ATXN1: variants seen among roughly 807,000 people sequenced by gnomAD.
ATXN1 encodes ataxin-1.
A neutral mutation model predicts 56.4 loss-of-function variants in ATXN1; 8 were observed. That is an observed-to-expected ratio of 0.14 (90% CI 0.08 to 0.26). The LOEUF (loss-of-function observed/expected upper bound fraction) is 0.26, where lower values mean the gene tolerates loss of function less well. ATXN1 is among the 10% of genes least tolerant of loss of function. The pLI is 1.00. For synonymous variants in ATXN1, 514 were observed against 494.6 expected (o/e 1.04, Z -0.52); for missense variants, 987 against 1,106.5 (o/e 0.89, Z 1.53).
At chr6:16,718,573 C>T (rs921180055) in intron 2 of ATXN1, among the ~76,000 whole-genome samples, 4 of 152,224 alleles carry the variant, frequency 2.6e-5, no homozygotes, top group Admixed American at 6.5e-5. Flanking sequence ...CAAAGCGTTT[C>T]GCTGGAAATG....
intron 2 of ATXN1, among the ~76,000 whole-genome samples, chr6:16,664,680 G>T (rs1758390088): frequency 6.6e-6 from 1 of 152,048 alleles, no homozygotes; most frequent in African/African-American, 2.4e-5. Flanking sequence ...ACAGGGTGTA[G>T]ACACTGACCA....
intron 2 of ATXN1, among the ~76,000 whole-genome samples, chr6:16,674,442 T>C (rs9396703): frequency 0.014 from 2,110 of 145,834 alleles, 21 homozygotes; most frequent in East Asian, 0.026. Flanking sequence ...CTCCGCCTCA[T>C]GGGTTCAAGC....
chr6:16,324,352 G>T (rs754593275), intron 7 of ATXN1, among the ~76,000 whole-genome samples: 1 of 152,022 alleles, frequency 6.6e-6, no homozygotes, highest in Admixed American at 6.6e-5. Context: ...TAGGGAGGTT[G>T]GGGTGGGAGG....
intron 4 of ATXN1, among the ~76,000 whole-genome samples, chr6:16,582,169 G>A (rs1762542010): frequency 6.6e-6 from 1 of 152,098 alleles, no homozygotes; most frequent in African/African-American, 2.4e-5. Context: ...CAGATCAACA[G>A]GTCTGTCTCC....
Position 16,724,524 on chromosome 6 carries a change from G to A in ATXN1, c.-615+28709C>T, listed in dbSNP as rs142876092. On this transcript the variant is annotated intron_variant, in intron 2 of 7. Transcript: ENST00000436367. ...TATACAACCAGGGCAAGCAACCCAT[G>A]AACAGGGTGAAAAACAGCCACTGGA... Among the ~76,000 whole-genome samples, 1,326 of 152,236 alleles carry A rather than the reference G, an allele frequency of 8.7e-3. 11 individuals carry two copies. Among genetic ancestry groups the A allele is most frequent in the Non-Finnish European group, 0.013 (896 of 68,016 alleles).
At chr6:16,743,808 G>A (rs1365278489) in intron 2 of ATXN1, among the ~76,000 whole-genome samples, 1 of 152,306 alleles carries the variant, frequency 6.6e-6, no homozygotes, top group African/African-American at 2.4e-5. Flanking sequence ...AGAACAACAT[G>A]TCTAAAGGCT....
At chr6:16,591,034 G>A (rs1386453716) in intron 3 of ATXN1, among the ~76,000 whole-genome samples, 1 of 152,084 alleles carries the variant, frequency 6.6e-6, no homozygotes, top group Non-Finnish European at 1.5e-5. Flanking sequence ...TAGAGATGGG[G>A]TTTCTCCATG....
intron 6 of ATXN1, among the ~76,000 whole-genome samples, chr6:16,406,192 A>T (rs432986): frequency 0.37 from 56,965 of 152,014 alleles, 10,827 homozygotes; most frequent in East Asian, 0.59. Flanking sequence ...AAAATGAGAG[A>T]CTAAAAAAGT....
At chr6:16,339,271 G>A (rs1214529689) in intron 6 of ATXN1, among the ~76,000 whole-genome samples, 2 of 152,188 alleles carry the variant, frequency 1.3e-5, no homozygotes, top group African/African-American at 2.4e-5. Context: ...GTCTACAACA[G>A]AGAACATAAA....
At chr6:16,637,262 C>A (rs1241837994) in intron 3 of ATXN1, among the ~76,000 whole-genome samples, 1 of 150,604 alleles carries the variant, frequency 6.6e-6, no homozygotes, top group East Asian at 2.0e-4. Flanking sequence ...AACCAAACAC[C>A]GCATGTTCTC....
chr6:16,486,777 A>C (rs2113656887), intron 5 of ATXN1, among the ~76,000 whole-genome samples: 1 of 152,148 alleles, frequency 6.6e-6, no homozygotes, highest in East Asian at 1.9e-4. Context: ...GGGCACATGC[A>C]GGAGCGTGGT....
intron 7 of ATXN1, among the ~76,000 whole-genome samples, chr6:16,313,895 G>T (rs1187905128): frequency 2.0e-5 from 3 of 152,136 alleles, no homozygotes; most frequent in Non-Finnish European, 4.4e-5. Flanking sequence ...AACCTAGATA[G>T]GCTTGGGAGA....
chr6:16,677,160 C>A (rs1167525223), intron 2 of ATXN1, among the ~76,000 whole-genome samples: 1 of 152,092 alleles, frequency 6.6e-6, no homozygotes, highest in Non-Finnish European at 1.5e-5. Flanking sequence ...AACATGTAAA[C>A]AAACAATACG....
At chr6:16,654,877 T>C (rs895041091) in intron 3 of ATXN1, among the ~76,000 whole-genome samples, 1 of 152,186 alleles carries the variant, frequency 6.6e-6, no homozygotes, top group Admixed American at 6.5e-5. Context: ...ATTTGCTTTC[T>C]ACCACATTCA....
chr6:16,362,515 C>T (rs920589886), intron 6 of ATXN1, among the ~76,000 whole-genome samples: 16 of 152,048 alleles, frequency 1.1e-4, no homozygotes, highest in Admixed American at 2.0e-4. Flanking sequence ...CGCTCCCGCC[C>T]GGTCCCTCTC....
At chr6:16,592,489 C>T (rs1355840946) in intron 3 of ATXN1, among the ~76,000 whole-genome samples, 1 of 152,140 alleles carries the variant, frequency 6.6e-6, no homozygotes. Flanking sequence ...TAATATCCTA[C>T]CCAGGCCCAC....
intron 6 of ATXN1, among the ~76,000 whole-genome samples, chr6:16,421,827 G>A (rs1759040821): frequency 6.6e-6 from 1 of 152,160 alleles, no homozygotes; most frequent in South Asian, 2.1e-4. Context: ...TGTACACAGT[G>A]TGCAGGGGCC....
At chr6:16,661,027 C>T (rs1758309556) in intron 2 of ATXN1, among the ~76,000 whole-genome samples, 1 of 151,306 alleles carries the variant, frequency 6.6e-6, no homozygotes, top group Non-Finnish European at 1.5e-5. Flanking sequence ...TTAGTGGAGA[C>T]GGGATTTCAC....
intron 6 of ATXN1, among the ~76,000 whole-genome samples, chr6:16,364,968 C>T (rs138348376): frequency 1.7e-4 from 26 of 152,198 alleles, no homozygotes; most frequent in East Asian, 1.4e-3. Flanking sequence ...CCCAGAATGG[C>T]GGTGATAAGC....
Sources: allele counts gnomAD v4.1 joint callset (sites outside exome capture counted in the v4.1 genomes callset), GRCh38; gene constraint gnomAD v4.1.1; transcripts MANE v1.5; gene names NCBI Gene and HGNC (gene_info 2026-07-23, HGNC 2026-07-21).